Variants in SMAD6 observed in about 807,000 individuals in gnomAD.
SMAD6 encodes MAD homolog 6.
Under a neutral mutation model 39.4 loss-of-function variants are expected in SMAD6, and 103 were observed. The observed-to-expected ratio is 2.62, with a 90% CI of 2.23 to 3.08. SMAD6 has a LOEUF of 3.08. SMAD6 is among the 30% of genes most tolerant of loss of function. The pLI is 0.00. For missense variants in SMAD6, 1,104 were observed against 742.9 expected, an observed-to-expected ratio of 1.49 and a Z score of -5.65; for synonymous variants, 445 against 353.3, an observed-to-expected ratio of 1.26 and a Z score of -2.91.
At chr15:66,742,979 G>A (rs894410970) in intron 3 of SMAD6, among the ~76,000 whole-genome samples, 1 of 152,142 alleles carries the variant, frequency 6.6e-6, no homozygotes, top group African/African-American at 2.4e-5. Flanking sequence ...TTAGCATGTG[G>A]TGGTGGTCCG....
chr15:66,749,957 A>G (rs1222126556), intron 3 of SMAD6, among the ~76,000 whole-genome samples: 1 of 152,138 alleles, frequency 6.6e-6, no homozygotes, highest in Non-Finnish European at 1.5e-5. Context: ...TGTCCTCAGC[A>G]CGTTTTCCAG....
chr15:66,704,058 GC>G lies in SMAD6; in HGVS notation c.802del (p.Arg268GlyfsTer271). 6.7e-7 allele frequency: 1 copy of G among 1,501,042 alleles called. No individual in the cohort carries two copies. The highest frequency in any genetic ancestry group is 8.8e-7 in the Non-Finnish European group (1 of 1,133,558). 93.0% of individuals were successfully genotyped at this position (1,501,042 alleles called of 1,614,324 possible). ...PTVCCNPYHFSRLCGPESPPP... is the reference protein window; with the variant it reads ...PTVCCNPYHFXRLCGPESPPP... The stretch of plus-strand genomic sequence containing the variant: ...GTGTGCTGCAACCCCTACCACTTCA[GC>G]CGGCTCTGCGGGCCCGGTGAGCGCG... On this transcript the variant is annotated frameshift_variant, in exon 1 of 4. Coordinates refer to ENST00000288840, the MANE Select transcript of SMAD6 (RefSeq NM_005585.5). LOFTEE classifies it high-confidence loss of function.
rs546450893 is a variant in SMAD6 at position 66,723,508 on chromosome 15, A to C, written c.952+7010A>C. ...CCGGGGGCAACATAGCAAGACCCCTACCTCTTAAAAAAATTTAAAAATTGG... is the reference window on the plus strand; with the variant it reads ...CCGGGGGCAACATAGCAAGACCCCTCCCTCTTAAAAAAATTTAAAAATTGG... On this transcript the variant is annotated intron_variant, in intron 3 of 3. Transcript: ENST00000288840. Among the ~76,000 whole-genome samples the C allele has an allele frequency of 7.2e-5, 11 of 152,190 alleles. No homozygotes were observed. The South Asian group carries it at 2.3e-3, about 32-fold the overall frequency.
chr15:66,753,386 G>T (rs770667819), intron 3 of SMAD6, among the ~76,000 whole-genome samples: 3 of 152,220 alleles, frequency 2.0e-5, no homozygotes, highest in Non-Finnish European at 4.4e-5. Flanking sequence ...CATCTCCAAG[G>T]AGCCCCAGTG....
intron 3 of SMAD6, among the ~76,000 whole-genome samples, chr15:66,722,104 G>C (rs1893444283): frequency 6.6e-6 from 1 of 152,162 alleles, no homozygotes; most frequent in African/African-American, 2.4e-5. Flanking sequence ...ACCAGGACCT[G>C]GGAAAGATTT....
At chr15:66,760,183 C>T (rs1370436738) in intron 3 of SMAD6, among the ~76,000 whole-genome samples, 1 of 148,774 alleles carries the variant, frequency 6.7e-6, no homozygotes, top group Non-Finnish European at 1.5e-5. Flanking sequence ...CTCTGTGTTC[C>T]TTGCCTCACT....
intron 3 of SMAD6, among the ~76,000 whole-genome samples, chr15:66,753,260 C>A (rs563245861): frequency 6.6e-6 from 1 of 152,272 alleles, no homozygotes; most frequent in Admixed American, 6.5e-5. Context: ...GGTGATGGGT[C>A]CTGTAAGAGG....
intron 3 of SMAD6, among the ~76,000 whole-genome samples, chr15:66,724,247 C>G (rs1392165685): frequency 1.3e-5 from 2 of 152,096 alleles, no homozygotes; most frequent in East Asian, 3.9e-4. Flanking sequence ...CATCTGGCTT[C>G]TAATACTGGG....
At chr15:66,756,530 C>T (rs1894102760) in intron 3 of SMAD6, among the ~76,000 whole-genome samples, 1 of 152,236 alleles carries the variant, frequency 6.6e-6, no homozygotes, top group African/African-American at 2.4e-5. Flanking sequence ...AGTTCAGCAG[C>T]TCCACTGGCG....
At chr15:66,743,258 G>T (rs1419145335) in intron 3 of SMAD6, among the ~76,000 whole-genome samples, 1 of 152,112 alleles carries the variant, frequency 6.6e-6, no homozygotes, top group East Asian at 1.9e-4. Flanking sequence ...TCTGGGCTGG[G>T]TAGTTATCTC....
At chr15:66,771,367 A>T (rs189186692) in intron 3 of SMAD6, among the ~76,000 whole-genome samples, 2 of 152,346 alleles carry the variant, frequency 1.3e-5, no homozygotes, top group Admixed American at 1.3e-4. Flanking sequence ...TGCAAGAGAT[A>T]AAAGAATGGA....
At chr15:66,743,388 C>T (rs964983441) in intron 3 of SMAD6, among the ~76,000 whole-genome samples, 1 of 149,960 alleles carries the variant, frequency 6.7e-6, no homozygotes, top group African/African-American at 2.4e-5. Context: ...GTTTCTGCAT[C>T]TGTAAAATGG....
chr15:66,774,833 A>ATTTATTTTATTTTAT lies in SMAD6; in HGVS notation c.953-6135_953-6121dup, dbSNP rs61441715. Among the ~76,000 whole-genome samples, 1,077 of 146,182 alleles carry ATTTATTTTATTTTAT rather than the reference A, an allele frequency of 7.4e-3. 15 individuals are homozygous for ATTTATTTTATTTTAT. Among genetic ancestry groups the ATTTATTTTATTTTAT allele is most frequent in the African/African-American group, 0.021 (841 of 39,628 alleles). On this transcript the variant is annotated intron_variant, in intron 3 of 3. Coordinates refer to ENST00000288840, the MANE Select transcript of SMAD6 (RefSeq NM_005585.5). ...CTCCCCAGGGGTAACCACTATTCTG[A>ATTTATTTTATTTTAT]TTTATTTTATTTTATTTTATTTTAT...
At chr15:66,771,621 G>A (rs1433143058) in intron 3 of SMAD6, among the ~76,000 whole-genome samples, 1 of 152,158 alleles carries the variant, frequency 6.6e-6, no homozygotes, top group Non-Finnish European at 1.5e-5. Flanking sequence ...GAGAGCTAAG[G>A]GAGCATATGA....
At chr15:66,744,873 G>A (rs184246345) in intron 3 of SMAD6, among the ~76,000 whole-genome samples, 3 of 152,318 alleles carry the variant, frequency 2.0e-5, no homozygotes, top group African/African-American at 4.8e-5. Context: ...TGGGACCTGG[G>A]CAATTGCCTG....
chr15:66,772,296 C>G (rs538667969), intron 3 of SMAD6, among the ~76,000 whole-genome samples: 17 of 152,224 alleles, frequency 1.1e-4, no homozygotes, highest in Non-Finnish European at 2.1e-4. Context: ...CAGGCCTCAG[C>G]TCCCTCATCT....
rs1365299973 is a variant in SMAD6, at chr15:66,781,518, C to T, written c.1474C>T (p.Leu492Phe). The T allele has an allele frequency of 1.3e-6, 2 of 1,550,914 alleles. No homozygotes were observed. The highest frequency in any genetic ancestry group is 2.0e-5 in the Admixed American group (1 of 50,988). The stretch of plus-strand genomic sequence containing the variant: ...CTGCCCCTGCTGGCTGGAGATCCTC[C>T]TCAACAACCCCAGATAGTGGCGGCC... The part of the protein sequence containing the change: ...TSCPCWLEIL[L>F]NNPR Residue 492 changes from leucine to phenylalanine, a missense_variant, in exon 4 of 4, where the codon CTC (leucine) becomes TTC (phenylalanine). Leu to Phe is a conservative substitution (Grantham distance 22). Coordinates refer to ENST00000288840, the MANE Select transcript of SMAD6 (RefSeq NM_005585.5).
At chr15:66,755,945 G>T (rs927331406) in intron 3 of SMAD6, among the ~76,000 whole-genome samples, 3 of 152,064 alleles carry the variant, frequency 2.0e-5, no homozygotes, top group African/African-American at 4.8e-5. Flanking sequence ...CTTCATGCCG[G>T]GGGAACCCAC....
intron 3 of SMAD6, among the ~76,000 whole-genome samples, chr15:66,769,733 C>T (rs1376530475): frequency 6.6e-6 from 1 of 152,072 alleles, no homozygotes; most frequent in African/African-American, 2.4e-5. Context: ...GGAGGTTTGC[C>T]AATAAAACAC....
Sources: allele counts gnomAD v4.1 joint callset (sites outside exome capture counted in the v4.1 genomes callset), GRCh38; gene constraint gnomAD v4.1.1; transcripts MANE v1.5; gene names NCBI Gene and HGNC (gene_info 2026-07-23, HGNC 2026-07-21).